The following SF3B1 variants were observed in gnomAD, a reference collection of about 807,000 sequenced individuals.
SF3B1 encodes the protein pre-mRNA processing 10.
A neutral mutation model predicts 153.8 loss-of-function variants in SF3B1; 12 were observed. The ratio of observed to expected loss-of-function variants is 0.08; its 90% CI spans 0.05 to 0.13. SF3B1 has a LOEUF of 0.13. Ranked by LOEUF, SF3B1 falls within the 10% of genes least tolerant of loss-of-function variation. SF3B1 has a pLI of 1.00. For synonymous variants in SF3B1, 498 were observed against 525.2 expected (o/e 0.95, Z 0.71); for missense variants, 513 against 1,606.1 (o/e 0.32, Z 11.63).
At chr2:197,399,213 G>A (rs1053136341) in intron 20 of SF3B1, among the ~76,000 whole-genome samples, 3 of 152,158 alleles carry the variant, frequency 2.0e-5, no homozygotes, top group African/African-American at 7.2e-5. Context: ...CTGGCAAGTA[G>A]CTATCTTCAA....
At chr2:197,408,744 G>A (rs2085025986) in intron 7 of SF3B1, 163 bp from the exon 8 acceptor site, 1 of 602,474 alleles carries the variant, frequency 1.7e-6, no homozygotes. Context: ...TCAACATGAT[G>A]AAACTCTGTC....
intron 23 of SF3B1, chr2:197,393,457 T>TC (rs2105975167): frequency 7.0e-6 from 2 of 286,708 alleles, no homozygotes; most frequent in East Asian, 7.0e-5. Context: ...CTAATTAACT[T>TC]TTTTTTTTTT....
chr2:197,418,086 A>C (rs1224974818), intron 5 of SF3B1, among the ~76,000 whole-genome samples: 1 of 151,616 alleles, frequency 6.6e-6, no homozygotes, highest in Non-Finnish European at 1.5e-5. Flanking sequence ...AAATACAAAA[A>C]TTAGCTAGGC....
Position 197,408,790 on chromosome 2 carries a change from G to GT in SF3B1, c.905-210dup, listed in dbSNP as rs1166766054. ...ATACAAAAAGTAGCCAGGTGTGGTG[G>GT]TGGGCGCTTGTAATCCCAGCTACTC... On this transcript the variant is annotated intron_variant, in intron 7 of 24. Coordinates refer to ENST00000335508, the MANE Select transcript of SF3B1 (RefSeq NM_012433.4). The GT allele has an allele frequency of 9.3e-6, 5 of 535,520 alleles. No individual in the cohort carries two copies. In the East Asian group the frequency reaches 1.6e-4, roughly 18 times the overall value. The allele number at this position is 535,520 out of a possible 1,614,324, so 33.2% of individuals were successfully genotyped here. A position where few individuals can be genotyped will look rare whatever the true frequency, so the allele number is the denominator to read the frequency against.
chr2:197,405,203 A>T, intron 10 of SF3B1, 26 bp from the exon 11 acceptor site: 1 of 1,599,542 alleles, frequency 6.3e-7, no homozygotes, highest in Non-Finnish European at 8.6e-7. Flanking sequence ...AAAAATGTTA[A>T]GGGAAGTTGA....
chr2:197,399,562 G>T (rs2105980833), intron 20 of SF3B1, among the ~76,000 whole-genome samples: 1 of 152,058 alleles, frequency 6.6e-6, no homozygotes, highest in South Asian at 2.1e-4. Flanking sequence ...TTAAAACTTG[G>T]GTATGTAAAT....
intron 1 of SF3B1, among the ~76,000 whole-genome samples, chr2:197,425,138 A>T (rs998783817): frequency 1.3e-5 from 2 of 151,832 alleles, no homozygotes; most frequent in Non-Finnish European, 2.9e-5. Context: ...AGCCTGGGCA[A>T]AGAGCAAAAC....
At chr2:197,414,855 C>A (rs2085123979) in intron 6 of SF3B1, among the ~76,000 whole-genome samples, 1 of 151,902 alleles carries the variant, frequency 6.6e-6, no homozygotes, top group South Asian at 2.1e-4. Context: ...AAATAAAAAA[C>A]TAGCCAGGCA....
At chr2:197,434,910 GA>G (rs2106031021) in intron 1 of SF3B1, 61 bp downstream of exon 1, 3 of 1,553,484 alleles carry the variant, frequency 1.9e-6, no homozygotes, top group Non-Finnish European at 1.8e-6. Flanking sequence ...AGAATCCTAG[GA>G]AAAAAGGCTT....
chr2:197,408,272 C>T lies in SF3B1; in HGVS notation c.1117+97G>A. The T allele has an allele frequency of 3.8e-6, 5 of 1,323,186 alleles. No individual in the cohort carries two copies. In the South Asian group the frequency reaches 6.6e-5, roughly 18 times the overall value. The allele number at this position is 1,323,186 out of a possible 1,614,324, so 82.0% of individuals were successfully genotyped here. A position where few individuals can be genotyped will look rare whatever the true frequency, so the allele number is the denominator to read the frequency against. On this transcript the variant is annotated intron_variant, in intron 8 of 24. Transcript: ENST00000335508. The stretch of plus-strand genomic sequence containing the variant: ...AAATTTGTATATCTCCTTATTCTTA[C>T]TAGAAGTTGACATTAATAGTACACA...
At chr2:197,392,578 G>GT (rs902384558) in intron 24 of SF3B1, 117 bp from the exon 25 acceptor site, 2 of 323,270 alleles carry the variant, frequency 6.2e-6, no homozygotes, top group Admixed American at 4.5e-5. Context: ...GTTGGGGGGG[G>GT]GGGAACCTAC....
intron 7 of SF3B1, 140 bp downstream of exon 7, chr2:197,409,630 G>A: frequency 1.4e-6 from 1 of 730,046 alleles, no homozygotes; most frequent in Non-Finnish European, 2.4e-6. Context: ...TTAGGCATAT[G>A]AACTGTTCTA....
chr2:197,429,289 A>G (rs2085387921), intron 1 of SF3B1, among the ~76,000 whole-genome samples: 1 of 152,180 alleles, frequency 6.6e-6, no homozygotes, highest in East Asian at 1.9e-4. Context: ...TCTTTAACCC[A>G]TTTAAACCCT....
chr2:197,402,431 AACT>A lies in SF3B1; in HGVS notation c.2077+122_2077+124del. 1 of 842,388 alleles carries A rather than the reference AACT, an allele frequency of 1.2e-6. No homozygotes were observed. The highest frequency in any genetic ancestry group is 1.8e-6 in the Non-Finnish European group (1 of 552,822). The allele number at this position is 842,388 out of a possible 1,614,324, so 52.2% of individuals were successfully genotyped here. Reference sequence around the variant, plus strand: ...AGGCTGTGTGTGTACCTCTAGTCCCAACTACTAAGGAGGCTGAGCAGGAGGATC... The same window carrying A: ...AGGCTGTGTGTGTACCTCTAGTCCCAACTAAGGAGGCTGAGCAGGAGGATC... On this transcript the variant is annotated intron_variant, in intron 14 of 24. Coordinates refer to ENST00000335508, the MANE Select transcript of SF3B1 (RefSeq NM_012433.4). The surrounding 1 kb of genome is among the most constrained non-coding windows in gnomAD (Gnocchi z 4.6).
intron 23 of SF3B1, 80 bp from the exon 24 acceptor site, chr2:197,393,268 T>A: frequency 1.1e-6 from 1 of 896,530 alleles, no homozygotes; most frequent in Non-Finnish European, 1.8e-6. Flanking sequence ...ACAGTCTTAG[T>A]TTTACAGGAA....
chr2:197,416,417 G>A (rs1000655389), intron 6 of SF3B1, among the ~76,000 whole-genome samples: 4 of 152,076 alleles, frequency 2.6e-5, no homozygotes, highest in African/African-American at 9.7e-5. Context: ...CCTTTAGGGA[G>A]GTAAATTAAG....
intron 1 of SF3B1, among the ~76,000 whole-genome samples, chr2:197,432,400 T>C (rs2085453873): frequency 6.6e-6 from 1 of 152,250 alleles, no homozygotes; most frequent in Non-Finnish European, 1.5e-5. Flanking sequence ...GGCAAGATTA[T>C]GCATATTCAT....
intron 2 of SF3B1, among the ~76,000 whole-genome samples, chr2:197,423,030 GA>G (rs1464421860): frequency 4.6e-5 from 7 of 152,136 alleles, no homozygotes; most frequent in Admixed American, 2.6e-4. Flanking sequence ...ATTTCAAAAT[GA>G]AAGGCAGTCC....
At chr2:197,406,143 G>C (rs2084989726) in intron 9 of SF3B1, among the ~76,000 whole-genome samples, 1 of 149,260 alleles carries the variant, frequency 6.7e-6, no homozygotes, top group African/African-American at 2.5e-5. Flanking sequence ...TTCTGGACAG[G>C]CCAGGATTAC....
Sources: gnomAD v4.1 joint callset for allele counts (sites outside exome capture counted in the v4.1 genomes callset) on GRCh38, gnomAD v4.1.1 for gene constraint, Gnocchi (gnomAD v3.1) non-coding constraint, MANE v1.5 for transcripts, NCBI Gene and HGNC (gene_info 2026-07-23, HGNC 2026-07-21) for gene names.